Variants in IQSEC3 observed in about 807,000 individuals in gnomAD.
The protein encoded by IQSEC3 is IQ motif and Sec7 domain ArfGEF 3.
In IQSEC3, 50 loss-of-function variants were observed where a neutral mutation model predicts 105.4. The observed-to-expected ratio is 0.47, with a 90% CI of 0.38 to 0.60. The LOEUF (loss-of-function observed/expected upper bound fraction) is 0.60. Ranked by LOEUF, IQSEC3 falls within the 20% of genes least tolerant of loss-of-function variation. IQSEC3 has a pLI of 0.00. For synonymous variants in IQSEC3, 708 were observed against 746.0 expected (o/e 0.95, Z 0.83); for missense variants, 1,415 against 1,630.0 (o/e 0.87, Z 2.27).
chr12:150,630 A>T (rs1333966453), intron 5 of IQSEC3, among the ~76,000 whole-genome samples: 2 of 152,198 alleles, frequency 1.3e-5, no homozygotes, highest in African/African-American at 4.8e-5. Context: ...AGGGGCTGGG[A>T]TGAGGACAGA....
chr12:68,862 G>A (rs1454203608), intron 1 of IQSEC3, among the ~76,000 whole-genome samples: 3 of 152,244 alleles, frequency 2.0e-5, no homozygotes, highest in African/African-American at 7.2e-5. Flanking sequence ...AAGAGGTGAA[G>A]GTCTAACATG....
chr12:98,240 G>A (rs1368663394), intron 1 of IQSEC3, among the ~76,000 whole-genome samples: 1 of 152,140 alleles, frequency 6.6e-6, no homozygotes. Context: ...AGCGGATATT[G>A]GAATCACAGC....
intron 3 of IQSEC3, among the ~76,000 whole-genome samples, chr12:131,444 A>G (rs1865598261): frequency 6.6e-6 from 1 of 152,102 alleles, no homozygotes; most frequent in Non-Finnish European, 1.5e-5. Flanking sequence ...CCTCGCTGTC[A>G]TGGATGGAGC....
rs782219198 is a variant in IQSEC3 at position 157,532 on chromosome 12, C to A, written c.2281C>A (p.Arg761Ser). The change falls in exon 7 of 14, where the codon CGC becomes AGC. Residue 761 changes from arginine to serine, a missense_variant. Coordinates refer to ENST00000538872, the MANE Select transcript of IQSEC3 (RefSeq NM_001170738.2). The stretch of plus-strand genomic sequence containing the variant: ...CTGCATCTGACCCCCCCACAGCCAG[C>A]GCTACTGCATGTGCAACCCCGAAGT... ...VERLIEAFSQ[R>S]YCMCNPEVVQ... 6.2e-7 allele frequency: 1 copy of A among 1,611,892 alleles called. No homozygotes were observed. Among genetic ancestry groups the A allele is most frequent in the Non-Finnish European group, 8.5e-7 (1 of 1,178,756 alleles).
At chr12:145,932 C>G (rs370568807) in intron 5 of IQSEC3, among the ~76,000 whole-genome samples, 78 of 152,340 alleles carry the variant, frequency 5.1e-4, no homozygotes, top group African/African-American at 1.8e-3. Context: ...CCATGAAATG[C>G]AGGAAGGCAG....
chr12:150,486 G>T (rs1040377406), intron 5 of IQSEC3, among the ~76,000 whole-genome samples: 1 of 152,182 alleles, frequency 6.6e-6, no homozygotes, highest in African/African-American at 2.4e-5. Context: ...CCCAGTTTCA[G>T]GTCAGTGAGG....
In IQSEC3 at chr12:178,398, G is replaced by A; in HGVS notation, c.*3365G>A. 1 of 152,210 alleles carries A rather than the reference G, an allele frequency of 6.6e-6. No individual in the cohort carries two copies. Among genetic ancestry groups the A allele is most frequent in the East Asian group, 1.9e-4 (1 of 5,200 alleles). The allele number at this position is 152,210 out of a possible 1,614,324, so 9.4% of individuals were successfully genotyped here. ...TATTTTGTAACAAAATAGCCCAGAGGTATTTTATCTGTTCAATTCATAGAG... is the reference window on the plus strand; with the variant it reads ...TATTTTGTAACAAAATAGCCCAGAGATATTTTATCTGTTCAATTCATAGAG... On this transcript the variant is annotated 3_prime_UTR_variant, in exon 14 of 14. Transcript: ENST00000538872.
In IQSEC3 at chr12:169,099, C is replaced by A; in HGVS notation, c.3058C>A (p.Pro1020Thr). ...GGACCCACAGTCAAAGCAAGGATCG[C>A]CGACAGGTGAGCCTCGGCTCCGCTC... ...QGDPQSKQGS[P>T]TAKREAALRE... Residue 1020 changes from proline (P) to threonine (T), a missense_variant, in exon 12 of 14, where the codon CCG becomes ACG. Pro to Thr is a conservative substitution (Grantham distance 38, BLOSUM62 -1). This residue lies in a region of IQSEC3 where 419 missense variants were observed against 436.2 expected (regional missense o/e 0.96). Transcript: ENST00000538872. 1.2e-6 allele frequency: 2 copies of A among 1,613,778 alleles called. No individual in the cohort carries two copies. The highest frequency in any genetic ancestry group is 1.7e-6 in the Non-Finnish European group (2 of 1,179,926).
chr12:81,852 G>A (rs781974449), intron 1 of IQSEC3, among the ~76,000 whole-genome samples: 2 of 152,190 alleles, frequency 1.3e-5, no homozygotes, highest in Non-Finnish European at 2.9e-5. Flanking sequence ...CACCCAGAGG[G>A]AGGAGAACAG....
chr12:160,744 T>C (rs888690137), intron 7 of IQSEC3, among the ~76,000 whole-genome samples: 1 of 152,222 alleles, frequency 6.6e-6, no homozygotes, highest in Admixed American at 6.5e-5. Flanking sequence ...CTAAGCCCTT[T>C]GGTGGCTGTG....
At chr12:159,000 C>T (rs1482603821) in intron 7 of IQSEC3, among the ~76,000 whole-genome samples, 2 of 152,166 alleles carry the variant, frequency 1.3e-5, no homozygotes, top group African/African-American at 4.8e-5. Context: ...TATTAATTCC[C>T]CATTATAGAA....
At chr12:112,213 A>C (rs1264901007) in intron 2 of IQSEC3, among the ~76,000 whole-genome samples, 1 of 149,050 alleles carries the variant, frequency 6.7e-6, no homozygotes, top group African/African-American at 2.5e-5. Context: ...AACAAACAAA[A>C]TGAACTATTT....
At chr12:93,342 C>G (rs907891098) in intron 1 of IQSEC3, among the ~76,000 whole-genome samples, 12 of 152,284 alleles carry the variant, frequency 7.9e-5, no homozygotes, top group Non-Finnish European at 1.2e-4. Context: ...CCCCTGCCTC[C>G]CAGGTGGACA....
intron 5 of IQSEC3, chr12:144,365 G>C (rs1055418836): frequency 1.3e-5 from 2 of 152,146 alleles, no homozygotes; most frequent in Non-Finnish European, 2.9e-5. Context: ...GATTCTATAC[G>C]GCTCCCCTGC....
intron 2 of IQSEC3, among the ~76,000 whole-genome samples, chr12:110,742 A>G (rs1366563758): frequency 6.6e-6 from 1 of 152,142 alleles, no homozygotes; most frequent in Non-Finnish European, 1.5e-5. Flanking sequence ...GCTCTGCTAA[A>G]CCGAGGGGGT....
rs782692787 is a variant in IQSEC3 at position 138,944 on chromosome 12, C to T, written c.1581C>T (p.Ala527=). 6.3e-7 allele frequency: 1 copy of T among 1,578,128 alleles called. No homozygotes were observed. The highest frequency in any genetic ancestry group is 1.3e-5 in the African/African-American group (1 of 74,494). The change falls in exon 4 of 14, where the codon GCC becomes GCT. Residue 527 remains alanine, a synonymous_variant. Transcript: ENST00000538872. This position sits in a 1 kb window ranked among gnomAD's most constrained non-coding sequence, Gnocchi z 7.1. ...CCGCAGAGCCCGCGGCGGGCAAGGC[C>T]GAGCAGGGCGAGACCTCTGGGCGGG... ...QAPAEPAAGK[A]EQGETSGREA...
rs746736589 is a variant in IQSEC3, at chr12:174,720, TGCCGCC to T, written c.3243_3248del (p.Pro1083_Pro1084del). ...CCCCCGAGACAGCAGACCCCACCAC[TGCCGCC>T]GCCGCCACCCACGCCCCCGGGCACC... On this transcript the variant is annotated inframe_deletion, in exon 14 of 14. Coordinates refer to ENST00000538872, the MANE Select transcript of IQSEC3 (RefSeq NM_001170738.2). The T allele has an allele frequency of 1.9e-6, 3 of 1,581,436 alleles. No homozygotes were observed. Among genetic ancestry groups the T allele is most frequent in the East Asian group, 2.3e-5 (1 of 44,298 alleles).
chr12:178,212 C>T lies in IQSEC3; in HGVS notation c.*3179C>T, dbSNP rs1939296283. ...CGGCCCGCCAGGAGTCTCTTTGTAC[C>T]CACTAGGCTTCCCTGATGACCATCT... On this transcript the variant is annotated 3_prime_UTR_variant, in exon 14 of 14. Coordinates refer to ENST00000538872, the MANE Select transcript of IQSEC3 (RefSeq NM_001170738.2). 1 of 152,168 alleles carries T rather than the reference C, an allele frequency of 6.6e-6. No individual in the cohort carries two copies. The highest frequency in any genetic ancestry group is 2.4e-5 in the African/African-American group (1 of 41,350). The allele number at this position is 152,168 out of a possible 1,614,324, so 9.4% of individuals were successfully genotyped here. A position where few individuals can be genotyped will look rare whatever the true frequency, so the allele number is the denominator to read the frequency against.
At chr12:84,026 G>A (rs949169342) in intron 1 of IQSEC3, among the ~76,000 whole-genome samples, 1 of 152,208 alleles carries the variant, frequency 6.6e-6, no homozygotes, top group Non-Finnish European at 1.5e-5. Context: ...CAGCTAAAGT[G>A]ACATCTTCAG....
Sources: allele counts gnomAD v4.1 joint callset (sites outside exome capture counted in the v4.1 genomes callset), GRCh38; gene constraint gnomAD v4.1.1; regional missense constraint gnomAD v4.1.1; non-coding constraint Gnocchi (gnomAD v3.1); transcripts MANE v1.5; gene names NCBI Gene and HGNC (gene_info 2026-07-23, HGNC 2026-07-21).